The following PDE7B variants were observed in gnomAD, a reference collection of about 807,000 sequenced individuals.
PDE7B encodes 3',5'-cyclic-AMP phosphodiesterase 7B.
In PDE7B, 29 loss-of-function variants were observed where a neutral mutation model predicts 56.2. That is an observed-to-expected ratio of 0.52 (90% CI 0.38 to 0.70). The LOEUF is 0.70. PDE7B is among the 30% of genes least tolerant of loss of function. The pLI is 0.00. For synonymous variants in PDE7B, 197 were observed against 196.9 expected, an observed-to-expected ratio of 1.00 and a Z score of 0.00; for missense variants, 490 against 565.0, an observed-to-expected ratio of 0.87 and a Z score of 1.35.
At chr6:135,886,804 T>TG in intron 1 of PDE7B, among the ~76,000 whole-genome samples, 1 of 152,320 alleles carries the variant, frequency 6.6e-6, no homozygotes, top group Non-Finnish European at 1.5e-5. Context: ...TGTTTGCAAT[T>TG]GCAAATTGTG....
At chr6:136,146,015 G>A (rs1212640870) in intron 3 of PDE7B, among the ~76,000 whole-genome samples, 1 of 152,132 alleles carries the variant, frequency 6.6e-6, no homozygotes, top group African/African-American at 2.4e-5. Context: ...TCCAGACCTG[G>A]TCCACCTATA....
intron 12 of PDE7B, among the ~76,000 whole-genome samples, chr6:136,187,664 A>G (rs1779163742): frequency 6.6e-6 from 1 of 152,234 alleles, no homozygotes; most frequent in Non-Finnish European, 1.5e-5. Flanking sequence ...TTCAAGTGTC[A>G]CTGGTGGGAA....
At chr6:135,973,195 A>G (rs1332521786) in intron 2 of PDE7B, among the ~76,000 whole-genome samples, 1 of 151,584 alleles carries the variant, frequency 6.6e-6, no homozygotes, top group Non-Finnish European at 1.5e-5. Context: ...GAATTTGACT[A>G]GTTTAGATAC....
chr6:135,884,145 A>T (rs990264746), intron 1 of PDE7B, among the ~76,000 whole-genome samples: 2 of 152,212 alleles, frequency 1.3e-5, no homozygotes, highest in Non-Finnish European at 2.9e-5. Context: ...AGTACTGTCC[A>T]TGTGGGATAA....
chr6:136,187,019 T>C lies in PDE7B; in HGVS notation c.1046-17T>C. 1 of 1,369,888 alleles carries C rather than the reference T, an allele frequency of 7.3e-7. No homozygotes were observed. The highest frequency in any genetic ancestry group is 2.3e-5 in the East Asian group (1 of 43,762). The allele number at this position is 1,369,888 out of a possible 1,614,324, so 84.9% of individuals were successfully genotyped here. On this transcript the variant is annotated splice_polypyrimidine_tract_variant and intron_variant, in intron 11 of 12. Transcript: ENST00000308191. ...TAGATTACCAATGTGTTTTTTTCTT[T>C]CTTTCTTTCTTCTTAGGTGAACTTG... is the stretch of plus-strand genomic sequence containing the variant.
At chr6:136,084,202 TCCAAACCC>T (rs1338774109) in intron 2 of PDE7B, among the ~76,000 whole-genome samples, 2 of 152,236 alleles carry the variant, frequency 1.3e-5, no homozygotes, top group Non-Finnish European at 2.9e-5. Flanking sequence ...GAGATAGGGT[TCCAAACCC>T]AAATATCCCA....
chr6:136,030,400 G>A (rs1310664022), intron 2 of PDE7B, among the ~76,000 whole-genome samples: 3 of 152,200 alleles, frequency 2.0e-5, no homozygotes, highest in Non-Finnish European at 2.9e-5. Flanking sequence ...ACCTGTTAAA[G>A]AATGCAGCCT....
chr6:136,157,742 T>A (rs949394046), intron 8 of PDE7B, among the ~76,000 whole-genome samples: 2 of 152,122 alleles, frequency 1.3e-5, no homozygotes, highest in African/African-American at 2.4e-5. Context: ...AGAAAAAGAA[T>A]GCTATAAACT....
chr6:135,998,233 A>G (rs897523543), intron 2 of PDE7B, among the ~76,000 whole-genome samples: 1 of 152,208 alleles, frequency 6.6e-6, no homozygotes, highest in Non-Finnish European at 1.5e-5. Flanking sequence ...ATAGAGGTTC[A>G]CTATTATTCT....
At chr6:136,050,795 A>G (rs985472584) in intron 2 of PDE7B, among the ~76,000 whole-genome samples, 3 of 152,124 alleles carry the variant, frequency 2.0e-5, no homozygotes, top group African/African-American at 7.2e-5. Flanking sequence ...CCTAACTCCC[A>G]CCATTTGTTT....
At chr6:136,000,922 C>T (rs1029367606) in intron 2 of PDE7B, among the ~76,000 whole-genome samples, 3 of 152,210 alleles carry the variant, frequency 2.0e-5, no homozygotes, top group Non-Finnish European at 2.9e-5. Context: ...CCCCTGACCC[C>T]TGAGCAGCCT....
chr6:135,940,295 G>T (rs1258052972), intron 1 of PDE7B, among the ~76,000 whole-genome samples: 2 of 152,166 alleles, frequency 1.3e-5, no homozygotes, highest in South Asian at 4.1e-4. Context: ...GCCTTCTCCA[G>T]TAACCCCAGT....
At chr6:136,022,057 G>C (rs574637203) in intron 2 of PDE7B, among the ~76,000 whole-genome samples, 1 of 152,176 alleles carries the variant, frequency 6.6e-6, no homozygotes, top group Non-Finnish European at 1.5e-5. Context: ...CTTGCTTTTG[G>C]GTCTTCCCAA....
chr6:135,860,917 T>C (rs542223577), intron 1 of PDE7B, among the ~76,000 whole-genome samples: 1 of 151,988 alleles, frequency 6.6e-6, no homozygotes, highest in Admixed American at 6.6e-5. Context: ...TTATGCACCA[T>C]TGAACCCCTA....
chr6:135,871,377 A>G (rs1441558265), intron 1 of PDE7B, among the ~76,000 whole-genome samples: 2 of 152,212 alleles, frequency 1.3e-5, no homozygotes, highest in African/African-American at 4.8e-5. Flanking sequence ...TCAAAGTACA[A>G]AGACCACATA....
intron 3 of PDE7B, among the ~76,000 whole-genome samples, chr6:136,122,302 A>G (rs1412367348): frequency 1.3e-5 from 2 of 152,200 alleles, no homozygotes; most frequent in Non-Finnish European, 2.9e-5. Flanking sequence ...GCTATAATTT[A>G]ATCTTTTTTA....
chr6:135,865,615 TTGTGTGTGTGTGTGTG>T (rs3037648), intron 1 of PDE7B, among the ~76,000 whole-genome samples: 16 of 142,268 alleles, frequency 1.1e-4, no homozygotes, highest in African/African-American at 3.9e-4. Flanking sequence ...GCACTAGGCA[TTGTGTGTGTGTGTGTG>T]TGTGTGTGTG....
chr6:136,105,205 CAAGG>C (rs2128217592), intron 2 of PDE7B, among the ~76,000 whole-genome samples: 1 of 152,312 alleles, frequency 6.6e-6, no homozygotes, highest in East Asian at 1.9e-4. Context: ...GTGAACTCAT[CAAGG>C]GAGTGGGATT....
chr6:136,056,822 G>A (rs1021556254), intron 2 of PDE7B, among the ~76,000 whole-genome samples: 1 of 152,010 alleles, frequency 6.6e-6, no homozygotes, highest in African/African-American at 2.4e-5. Flanking sequence ...GTGAGCCACC[G>A]CGCTTGGCCG....
Sources: gnomAD v4.1 joint callset for allele counts (sites outside exome capture counted in the v4.1 genomes callset) on GRCh38, gnomAD v4.1.1 for gene constraint, MANE v1.5 for transcripts, NCBI Gene and HGNC (gene_info 2026-07-23, HGNC 2026-07-21) for gene names.